The following ZFYVE27 variants were observed in gnomAD, a reference collection of about 807,000 sequenced individuals.
The protein encoded by ZFYVE27 is protrudin.
ZFYVE27 carries 36 observed loss-of-function variants against 52.8 expected under a neutral mutation model. The observed-to-expected ratio is 0.68, with a 90% CI of 0.52 to 0.90. ZFYVE27 has a LOEUF of 0.90. Among genes scored for constraint, ZFYVE27 ranks in the 40% least tolerant of loss-of-function variants. ZFYVE27 has a pLI of 0.00. For missense variants in ZFYVE27, 450 were observed against 527.2 expected, an observed-to-expected ratio of 0.85 and a Z score of 1.43; for synonymous variants, 223 against 215.6, an observed-to-expected ratio of 1.03 and a Z score of -0.30.
At chr10:97,743,516 G>A (rs570879741) in intron 3 of ZFYVE27, among the ~76,000 whole-genome samples, 8 of 152,338 alleles carry the variant, frequency 5.3e-5, no homozygotes, top group African/African-American at 1.7e-4. Context: ...CATTGTAGCT[G>A]CTCTCAGTAT....
chr10:97,741,898 G>C (rs2043761097), intron 2 of ZFYVE27, among the ~76,000 whole-genome samples: 1 of 152,094 alleles, frequency 6.6e-6, no homozygotes, highest in Non-Finnish European at 1.5e-5. Flanking sequence ...TGGGAGGCCA[G>C]GGTGGGCAGA....
At chr10:97,744,302 G>C (rs1670081549) in intron 3 of ZFYVE27, among the ~76,000 whole-genome samples, 1 of 152,220 alleles carries the variant, frequency 6.6e-6, no homozygotes, top group Admixed American at 6.5e-5. Flanking sequence ...TGTCCTAAAA[G>C]CTGAACGAAA....
intron 6 of ZFYVE27, 45 bp downstream of exon 6, chr10:97,749,631 A>G: frequency 3.3e-6 from 5 of 1,519,630 alleles, no homozygotes; most frequent in Non-Finnish European, 3.7e-6. Flanking sequence ...GCTGGCTCTG[A>G]GGGCTAGGCT....
chr10:97,750,530 G>T, intron 7 of ZFYVE27, 60 bp downstream of exon 7: 1 of 1,604,702 alleles, frequency 6.2e-7, no homozygotes, highest in African/African-American at 1.3e-5. Flanking sequence ...CCTGTTATCA[G>T]CTTGTTTTTG....
intron 1 of ZFYVE27, among the ~76,000 whole-genome samples, chr10:97,738,114 G>A (rs980198649): frequency 2.6e-5 from 4 of 152,206 alleles, no homozygotes; most frequent in African/African-American, 9.7e-5. Context: ...CCAGTCCAGA[G>A]TTGGGGGTGT....
intron 5 of ZFYVE27, 76 bp from the exon 6 acceptor site, chr10:97,749,398 G>T: frequency 9.3e-7 from 1 of 1,077,722 alleles, no homozygotes; most frequent in Non-Finnish European, 1.4e-6. Context: ...CCTGGACCCT[G>T]CTGTGGGTGT....
intron 10 of ZFYVE27, among the ~76,000 whole-genome samples, chr10:97,753,874 C>T (rs549655927): frequency 6.6e-5 from 10 of 152,330 alleles, no homozygotes; most frequent in African/African-American, 2.2e-4. Context: ...CTCTCCCCAG[C>T]CAGTCCTTAT....
At chr10:97,755,327 G>C (rs1470787033) in intron 10 of ZFYVE27, among the ~76,000 whole-genome samples, 4 of 152,212 alleles carry the variant, frequency 2.6e-5, no homozygotes, top group Non-Finnish European at 5.9e-5. Context: ...CTGCTTTGGG[G>C]GCTTTCTCCA....
At chr10:97,742,639 A>G (rs1419599219) in intron 2 of ZFYVE27, among the ~76,000 whole-genome samples, 1 of 152,208 alleles carries the variant, frequency 6.6e-6, no homozygotes, top group Non-Finnish European at 1.5e-5. Flanking sequence ...AAAGGCACAA[A>G]TGGGGCCAAA....
chr10:97,758,772 T>C (rs11189360), intron 12 of ZFYVE27, among the ~76,000 whole-genome samples: 97,101 of 152,014 alleles, frequency 0.64, 33,037 homozygotes, highest in Non-Finnish European at 0.77. Flanking sequence ...GAAATTTCAC[T>C]GTGATATTTT....
intron 4 of ZFYVE27, 131 bp from the exon 5 acceptor site, chr10:97,748,138 T>C (rs2045963814): frequency 1.2e-6 from 1 of 866,230 alleles, no homozygotes; most frequent in East Asian, 2.6e-5. Flanking sequence ...TCTCGACTCC[T>C]CTCTCTTTAA....
intron 10 of ZFYVE27, among the ~76,000 whole-genome samples, chr10:97,756,370 C>G (rs2048337566): frequency 1.3e-5 from 2 of 152,164 alleles, no homozygotes; most frequent in African/African-American, 2.4e-5. Flanking sequence ...TCTCCTTTAG[C>G]AAGAACTTCA....
Position 97,759,713 on chromosome 10 carries a change from C to T in ZFYVE27, c.*413C>T, listed in dbSNP as rs181508408. On this transcript the variant is annotated 3_prime_UTR_variant, in exon 13 of 13. Coordinates refer to ENST00000684270, the MANE Select transcript of ZFYVE27 (RefSeq NM_001385875.1). ...GAGGTTGGGAAAAGAGGTTTTTCTC[C>T]TGCAGGGTACTGGGCCAGGCCCTCA... 2.5e-3 allele frequency: 758 copies of T among 300,558 alleles called. 1 individual carries two copies. Among genetic ancestry groups the T allele is most frequent in the Non-Finnish European group, 3.7e-3 (556 of 150,002 alleles). 18.6% of individuals were successfully genotyped at this position (300,558 alleles called of 1,614,324 possible).
intron 3 of ZFYVE27, among the ~76,000 whole-genome samples, chr10:97,743,556 G>A (rs2044334660): frequency 6.6e-6 from 1 of 152,220 alleles, no homozygotes; most frequent in Admixed American, 6.5e-5. Context: ...ACTTCCTGCT[G>A]AGGATGCATT....
rs759429671 is a variant in ZFYVE27, at chr10:97,737,335, C to G, written c.-2+14C>G. ...GCCAGCGGCCGGGTAGGTGAGGTGC[C>G]GTCCCCCCGCGTCCCAGTGTCTCCG... On this transcript the variant is annotated intron_variant, in intron 1 of 12. Transcript: ENST00000684270. The G allele has an allele frequency of 1.3e-5, 2 of 152,444 alleles. No individual in the cohort carries two copies. Among genetic ancestry groups the G allele is most frequent in the Admixed American group, 6.5e-5 (1 of 15,296 alleles). 9.4% of individuals were successfully genotyped at this position (152,444 alleles called of 1,614,324 possible). A position where few individuals can be genotyped will look rare whatever the true frequency, so the allele number is the denominator to read the frequency against.
At chr10:97,748,637 G>C (rs1269463749) in intron 5 of ZFYVE27, among the ~76,000 whole-genome samples, 1 of 152,188 alleles carries the variant, frequency 6.6e-6, no homozygotes. Context: ...TGTTTTGCCT[G>C]CTAGAATTTG....
chr10:97,759,271 G>C lies in ZFYVE27; in HGVS notation c.1207G>C (p.Ala403Pro), dbSNP rs1413495961. ...CCAGAGGGAGACTGTGTTTGTGTGTGCCTCGTGTAACCAGACCTTGAGCAA... is the reference window on the plus strand; with the variant it reads ...CCAGAGGGAGACTGTGTTTGTGTGTCCCTCGTGTAACCAGACCTTGAGCAA... ...EAQRETVFVC[A>P]SCNQTLSK Residue 403 changes from alanine (A) to proline (P), a missense_variant, in exon 13 of 13, where the codon GCC becomes CCC. Physicochemically the swap from Ala to Pro is conservative, Grantham distance 27. Transcript: ENST00000684270. 1.9e-6 allele frequency: 3 copies of C among 1,614,196 alleles called. No individual in the cohort carries two copies. The Admixed American group carries it at 5.0e-5, about 27-fold the overall frequency.
intron 1 of ZFYVE27, among the ~76,000 whole-genome samples, chr10:97,737,688 C>T (rs1051857020): frequency 5.9e-5 from 9 of 152,232 alleles, no homozygotes; most frequent in South Asian, 2.1e-4. Flanking sequence ...GAGGTTCCGC[C>T]CCCTCGTTTG....
intron 7 of ZFYVE27, among the ~76,000 whole-genome samples, chr10:97,751,137 G>A (rs1273176355): frequency 1.3e-5 from 2 of 152,184 alleles, no homozygotes; most frequent in Non-Finnish European, 2.9e-5. Context: ...TAAGACCCCA[G>A]CCCTGTGGTT....
Sources: gnomAD v4.1 joint callset for allele counts (sites outside exome capture counted in the v4.1 genomes callset) on GRCh38, gnomAD v4.1.1 for gene constraint, MANE v1.5 for transcripts, NCBI Gene and HGNC (gene_info 2026-07-23, HGNC 2026-07-21) for gene names.